The following CACNB2 variants were observed in gnomAD, a reference collection of about 807,000 sequenced individuals.
CACNB2 encodes the protein voltage-dependent L-type calcium channel subunit beta-2.
A neutral mutation model predicts 73.3 loss-of-function variants in CACNB2; 42 were observed. That is an observed-to-expected ratio of 0.57 (90% CI 0.45 to 0.74). CACNB2 has a LOEUF of 0.74. Among genes scored for constraint, CACNB2 ranks in the 30% least tolerant of loss-of-function variants. The probability of loss-of-function intolerance (pLI) is 0.00; values close to 1 mark genes in which losing one functional copy is unlikely to be tolerated. For synonymous variants in CACNB2, 348 were observed against 310.3 expected (o/e 1.12, Z -1.28); for missense variants, 940 against 853.0 (o/e 1.10, Z -1.27).
intron 2 of CACNB2, among the ~76,000 whole-genome samples, chr10:18,328,255 G>T (rs1412454409): frequency 6.6e-6 from 1 of 152,146 alleles, no homozygotes; most frequent in Non-Finnish European, 1.5e-5. Flanking sequence ...AGAATCATCT[G>T]GGGAACTTTA....
chr10:18,356,622 G>A (rs902758987), intron 2 of CACNB2, among the ~76,000 whole-genome samples: 19 of 151,256 alleles, frequency 1.3e-4, no homozygotes, highest in South Asian at 2.1e-4. Context: ...CTCTCCTCTC[G>A]TCTCTTTTTC....
intron 2 of CACNB2, among the ~76,000 whole-genome samples, chr10:18,353,116 A>C (rs1048206666): frequency 2.0e-5 from 3 of 152,190 alleles, no homozygotes; most frequent in African/African-American, 7.2e-5. Flanking sequence ...GGGCTTTAAA[A>C]ATTTATGGTT....
Position 18,539,599 on chromosome 10 carries a change from G to A in CACNB2, c.1858G>A (p.Glu620Lys), listed in dbSNP as rs761643494. 20 of 1,613,704 alleles carry A rather than the reference G, an allele frequency of 1.2e-5. No individual in the cohort carries two copies. The highest frequency in any genetic ancestry group is 4.5e-5 in the East Asian group (2 of 44,844). Residue 620 changes from glutamate (E) to lysine (K), a missense_variant, in exon 14 of 14, where the codon GAG (glutamate) becomes AAG (lysine). Transcript: ENST00000324631. ...RDVDREQDHN[E>K]CNKQRSRHKS... ...CGTGGATCGAGAGCAGGACCACAAC[G>A]AGTGCAACAAGCAGCGCAGCCGTCA...
At chr10:18,340,948 G>GC in intron 2 of CACNB2, 2 of 1,614,136 alleles carry the variant, frequency 1.2e-6, no homozygotes, top group Non-Finnish European at 1.7e-6. Context: ...ACGCCTTATA[G>GC]CTCCTCAAAC....
chr10:18,294,428 A>T (rs2039194255), intron 2 of CACNB2, among the ~76,000 whole-genome samples: 1 of 152,224 alleles, frequency 6.6e-6, no homozygotes, highest in African/African-American at 2.4e-5. Flanking sequence ...CTCTTCTATG[A>T]TCCTCTAGGT....
intron 2 of CACNB2, among the ~76,000 whole-genome samples, chr10:18,238,843 C>T (rs895447160): frequency 5.9e-5 from 9 of 152,154 alleles, no homozygotes; most frequent in Admixed American, 3.3e-4. Context: ...CTAACACAAC[C>T]GTAAACCATT....
intron 3 of CACNB2, among the ~76,000 whole-genome samples, chr10:18,446,295 T>C (rs910035762): frequency 3.9e-5 from 6 of 152,166 alleles, no homozygotes; most frequent in African/African-American, 1.4e-4. Context: ...TTTTCTTTCA[T>C]TGAGTGAAGG....
Position 18,170,512 on chromosome 10 carries a change from A to ATTT in CACNB2, c.213+19537_213+19538insTTT, listed in dbSNP as rs1171019596. Among the ~76,000 whole-genome samples, 15 of 152,332 alleles carry ATTT rather than the reference A, an allele frequency of 9.8e-5. No individual in the cohort carries two copies. In the East Asian group the frequency reaches 2.9e-3, roughly 29 times the overall value. ...TTCCTGGGAATATACGTGTAAATAT[A>ATTT]CTGGCATCAGAACATGCATTCAGAG... On this transcript the variant is annotated intron_variant, in intron 2 of 13. Coordinates refer to ENST00000324631, the MANE Select transcript of CACNB2 (RefSeq NM_201596.3).
chr10:18,296,684 G>C (rs79324060), intron 2 of CACNB2, among the ~76,000 whole-genome samples: 1 of 152,170 alleles, frequency 6.6e-6, no homozygotes, highest in East Asian at 1.9e-4. Flanking sequence ...AAACTTACAG[G>C]GTACTTAGAG....
chr10:18,155,546 ATATG>A (rs1260771608), intron 2 of CACNB2, among the ~76,000 whole-genome samples: 2 of 152,216 alleles, frequency 1.3e-5, no homozygotes, highest in Non-Finnish European at 2.9e-5. Context: ...TTTCATACAC[ATATG>A]TATGCATTTT....
intron 2 of CACNB2, among the ~76,000 whole-genome samples, chr10:18,200,428 T>C (rs1285476062): frequency 6.6e-6 from 1 of 152,000 alleles, no homozygotes; most frequent in Non-Finnish European, 1.5e-5. Context: ...TATGGCTCCT[T>C]TCCATTCATG....
chr10:18,186,746 G>A (rs2131245263), intron 2 of CACNB2, among the ~76,000 whole-genome samples: 1 of 152,270 alleles, frequency 6.6e-6, no homozygotes, highest in Non-Finnish European at 1.5e-5. Flanking sequence ...CCACCCCCAT[G>A]ATCCAGTCAT....
intron 7 of CACNB2, chr10:18,514,918 G>A (rs1474352506): frequency 7.2e-6 from 8 of 1,113,974 alleles, no homozygotes; most frequent in Non-Finnish European, 9.6e-6. Flanking sequence ...TACATAGCTT[G>A]TACTAAAAAA....
intron 3 of CACNB2, among the ~76,000 whole-genome samples, chr10:18,478,699 G>T (rs1332487964): frequency 1.3e-5 from 2 of 152,204 alleles, no homozygotes; most frequent in Non-Finnish European, 2.9e-5. Context: ...AACAAGTTAT[G>T]GGAGTAGGGA....
intron 2 of CACNB2, among the ~76,000 whole-genome samples, chr10:18,171,521 G>GGAAAAAAAAAAAAA (rs1185764878): frequency 9.2e-5 from 3 of 32,586 alleles, no homozygotes; most frequent in Non-Finnish European, 1.1e-4. Context: ...TTTGATAGCA[G>GGAAAAAAAAAAAAA]AAAAAAAAAA....
chr10:18,453,963 C>T (rs1039006424), intron 3 of CACNB2, among the ~76,000 whole-genome samples: 3 of 152,186 alleles, frequency 2.0e-5, no homozygotes, highest in African/African-American at 7.2e-5. Context: ...AAACAAGTAG[C>T]ATGGAGGTGC....
chr10:18,169,198 T>TAA (rs1554764220), intron 2 of CACNB2, among the ~76,000 whole-genome samples: 4 of 151,608 alleles, frequency 2.6e-5, no homozygotes, highest in Non-Finnish European at 4.4e-5. Flanking sequence ...TATATATTTT[T>TAA]AAAAAAAATA....
chr10:18,339,019 C>T (rs1308662829), intron 2 of CACNB2, among the ~76,000 whole-genome samples: 9 of 152,002 alleles, frequency 5.9e-5, no homozygotes, highest in Non-Finnish European at 1.2e-4. Context: ...GAATTATAGG[C>T]GTGAGCTACC....
chr10:18,190,909 A>G (rs977357289), intron 2 of CACNB2, among the ~76,000 whole-genome samples: 3 of 152,256 alleles, frequency 2.0e-5, no homozygotes, highest in African/African-American at 4.8e-5. Flanking sequence ...TCCAAGGGCA[A>G]TGGGAAACTA....
Sources: gnomAD v4.1 joint callset for allele counts (sites outside exome capture counted in the v4.1 genomes callset) on GRCh38, gnomAD v4.1.1 for gene constraint, MANE v1.5 for transcripts, NCBI Gene and HGNC (gene_info 2026-07-23, HGNC 2026-07-21) for gene names.